The following AUNIP variants were observed in gnomAD, a reference collection of about 807,000 sequenced individuals.
AUNIP encodes aurora kinase A and ninein interacting protein.
A neutral mutation model predicts 12.2 loss-of-function variants in AUNIP; 16 were observed. The observed-to-expected ratio is 1.31, with a 90% CI of 0.88 to 1.99. The LOEUF (loss-of-function observed/expected upper bound fraction) is 1.99, where lower values mean the gene tolerates loss of function less well. Ranked by LOEUF, AUNIP falls within the 30% of genes most tolerant of loss-of-function variation. The probability of loss-of-function intolerance (pLI) is 0.00; values close to 1 mark genes in which losing one functional copy is unlikely to be tolerated. For missense variants in AUNIP, 411 were observed against 419.1 expected (o/e 0.98, Z 0.17); for synonymous variants, 142 against 154.8 (o/e 0.92, Z 0.61).
Position 25,835,559 on chromosome 1 carries a change from G to A in AUNIP, c.508C>T (p.Pro170Ser). Residue 170 changes from proline to serine, a missense_variant, in exon 3 of 3, where the codon CCA becomes TCA. By Grantham distance (74) the Pro-to-Ser change is moderately conservative. Coordinates refer to ENST00000374298, the MANE Select transcript of AUNIP (RefSeq NM_024037.3). ...TCCTCGGTGAAGGAAAAAGCCAGTG[G>A]GGTATGACTATCTCCAGCACAGTCT... ...TPDCAGDSHT[P>S]LAFSFTEDLE... 1.2e-6 allele frequency: 2 copies of A among 1,614,214 alleles called. No individual in the cohort carries two copies. The highest frequency in any genetic ancestry group is 1.7e-6 in the Non-Finnish European group (2 of 1,180,044).
intron 1 of AUNIP, among the ~76,000 whole-genome samples, chr1:25,857,403 G>A (rs548217903): frequency 1.3e-5 from 2 of 151,048 alleles, no homozygotes; most frequent in African/African-American, 2.4e-5. Context: ...CTGCCACCAC[G>A]CCCAGCAAAT....
chr1:25,854,583 T>C (rs760228494), intron 1 of AUNIP, among the ~76,000 whole-genome samples: 23 of 152,186 alleles, frequency 1.5e-4, no homozygotes, highest in Non-Finnish European at 2.4e-4. Flanking sequence ...GGAACGGGCA[T>C]AACTGTTACA....
At chr1:25,856,328 C>T (rs1463570607) in intron 1 of AUNIP, among the ~76,000 whole-genome samples, 1 of 151,318 alleles carries the variant, frequency 6.6e-6, no homozygotes, top group Non-Finnish European at 1.5e-5. Context: ...CATGCCACTA[C>T]ACTCCAGCCT....
At chr1:25,855,782 A>C (rs2048456099) in intron 1 of AUNIP, among the ~76,000 whole-genome samples, 2 of 152,208 alleles carry the variant, frequency 1.3e-5, no homozygotes. Flanking sequence ...CACTCTAGGA[A>C]GAGGCACCTT....
chr1:25,858,853 G>T (rs183333), intron 1 of AUNIP, among the ~76,000 whole-genome samples: 32,539 of 152,056 alleles, frequency 0.21, 3,747 homozygotes, highest in African/African-American at 0.26. Flanking sequence ...GGCAAATTGG[G>T]TGGAAACAGA....
intron 1 of AUNIP, among the ~76,000 whole-genome samples, chr1:25,842,245 GAT>G (rs2124502000): frequency 6.6e-6 from 1 of 152,378 alleles, no homozygotes; most frequent in African/African-American, 2.4e-5. Context: ...CCTTATTGCT[GAT>G]ATGAAGAAAG....
chr1:25,832,184 AT>A, downstream of AUNIP: 1 of 1,540,784 alleles, frequency 6.5e-7, no homozygotes, highest in Non-Finnish European at 8.7e-7. Flanking sequence ...TGGATTATAT[AT>A]TTCCCAGACT....
intron 1 of AUNIP, among the ~76,000 whole-genome samples, chr1:25,851,763 G>T (rs780641284): frequency 1.3e-5 from 2 of 152,050 alleles, no homozygotes; most frequent in African/African-American, 4.8e-5. Flanking sequence ...TTTTTAGACA[G>T]TCTCACTCTG....
chr1:25,837,702 AC>A (rs1162967455), intron 1 of AUNIP, 148 bp from the exon 2 acceptor site: 3 of 740,288 alleles, frequency 4.1e-6, no homozygotes, highest in Non-Finnish European at 4.0e-6. Context: ...TTGGTGCTGG[AC>A]ATCATCTTCC....
At chr1:25,842,371 G>A (rs1302087729) in intron 1 of AUNIP, among the ~76,000 whole-genome samples, 3 of 152,244 alleles carry the variant, frequency 2.0e-5, no homozygotes, top group Non-Finnish European at 4.4e-5. Flanking sequence ...TGAGAGAGGT[G>A]AGGAACGCCA....
At chr1:25,846,448 G>C (rs1557453660) in intron 1 of AUNIP, among the ~76,000 whole-genome samples, 1 of 142,666 alleles carries the variant, frequency 7.0e-6, no homozygotes, top group Admixed American at 6.9e-5. Context: ...AAAAAGCCAG[G>C]TGTGGTGGCT....
intron 1 of AUNIP, among the ~76,000 whole-genome samples, chr1:25,844,200 G>A (rs1236744908): frequency 1.3e-5 from 2 of 152,096 alleles, no homozygotes; most frequent in South Asian, 2.1e-4. Context: ...TCCACCTCCC[G>A]GGTTCAAGCG....
At chr1:25,855,679 G>A (rs918663918) in intron 1 of AUNIP, among the ~76,000 whole-genome samples, 2 of 152,000 alleles carry the variant, frequency 1.3e-5, no homozygotes, top group Non-Finnish European at 2.9e-5. Flanking sequence ...GAGATCAAGG[G>A]GGAAGAGGCA....
intron 1 of AUNIP, among the ~76,000 whole-genome samples, chr1:25,852,323 T>A (rs1280306148): frequency 1.3e-5 from 2 of 152,168 alleles, no homozygotes; most frequent in Non-Finnish European, 2.9e-5. Flanking sequence ...ACTTTTGATG[T>A]TGATTGTTTT....
At chr1:25,845,378 CAA>C (rs2048374583) in intron 1 of AUNIP, among the ~76,000 whole-genome samples, 1 of 152,186 alleles carries the variant, frequency 6.6e-6, no homozygotes, top group Non-Finnish European at 1.5e-5. Flanking sequence ...TCTCTACTAC[CAA>C]AAGCCCTCCA....
At position 25,837,631 on chromosome 1, in the gene AUNIP, T is replaced by C. The variant is rs2048313776; in HGVS notation, c.79-77A>G. The C allele has an allele frequency of 4.8e-6, 7 of 1,448,292 alleles. No homozygotes were observed. In the South Asian group the frequency reaches 7.9e-5, roughly 16 times the overall value. The allele number at this position is 1,448,292 out of a possible 1,614,324, so 89.7% of individuals were successfully genotyped here. A position where few individuals can be genotyped will look rare whatever the true frequency, so the allele number is the denominator to read the frequency against. On this transcript the variant is annotated intron_variant, in intron 1 of 2. Transcript: ENST00000374298. ...ACAGTAGAGATTCAGTACACACCAGTGATCCTCTGAGAACCACACTAGATC... is the reference window on the plus strand; with the variant it reads ...ACAGTAGAGATTCAGTACACACCAGCGATCCTCTGAGAACCACACTAGATC...
chr1:25,845,918 A>G (rs1557453467), intron 1 of AUNIP, among the ~76,000 whole-genome samples: 1 of 152,200 alleles, frequency 6.6e-6, no homozygotes, highest in Non-Finnish European at 1.5e-5. Flanking sequence ...GCGTACACCC[A>G]CAGAGAACTA....
At chr1:25,849,583 T>C (rs61079472) in intron 1 of AUNIP, among the ~76,000 whole-genome samples, 1,889 of 152,318 alleles carry the variant, frequency 0.012, 41 homozygotes, top group African/African-American at 0.043. Flanking sequence ...AATACTTCAC[T>C]CTTTTTTATT....
At chr1:25,846,399 A>G (rs1001246763) in intron 1 of AUNIP, among the ~76,000 whole-genome samples, 6 of 132,362 alleles carry the variant, frequency 4.5e-5, no homozygotes, top group African/African-American at 1.4e-4. Context: ...AGCGGGCAAC[A>G]GAGTGAGACT....
Sources: gnomAD v4.1 joint callset for allele counts (sites outside exome capture counted in the v4.1 genomes callset) on GRCh38, gnomAD v4.1.1 for gene constraint, MANE v1.5 for transcripts, NCBI Gene and HGNC (gene_info 2026-07-23, HGNC 2026-07-21) for gene names.